HERC4: variants seen among roughly 807,000 people sequenced by gnomAD.
HERC4 encodes the protein HECT and RLD domain containing E3 ubiquitin protein ligase 4.
HERC4 carries 28 observed loss-of-function variants against 124.3 expected under a neutral mutation model. The observed-to-expected ratio is 0.23, with a 90% CI of 0.17 to 0.31. HERC4 has a LOEUF of 0.31. Ranked by LOEUF, HERC4 falls within the 10% of genes least tolerant of loss-of-function variation. HERC4 has a pLI of 1.00. For synonymous variants in HERC4, 407 were observed against 421.5 expected (o/e 0.97, Z 0.42); for missense variants, 713 against 1,229.3 (o/e 0.58, Z 6.28).
chr10:67,960,860 G>T, intron 16 of HERC4: 1 of 280,550 alleles, frequency 3.6e-6, no homozygotes, highest in South Asian at 3.8e-5. Flanking sequence ...TTCTAACAAG[G>T]ACAAGCATGG....
intron 9 of HERC4, among the ~76,000 whole-genome samples, chr10:68,008,951 T>C (rs569261824): frequency 6.6e-6 from 1 of 152,300 alleles, no homozygotes; most frequent in Non-Finnish European, 1.5e-5. Flanking sequence ...CTGGGCGCAG[T>C]GGTTCACTCC....
In HERC4 at chr10:68,006,385, T is replaced by TG. The variant is rs1408416366; in HGVS notation, c.1069+7640_1069+7641insC. Among the ~76,000 whole-genome samples, 7 of 151,576 alleles carry TG rather than the reference T, an allele frequency of 4.6e-5. No individual in the cohort carries two copies. In the East Asian group the frequency reaches 1.4e-3, roughly 29 times the overall value. On this transcript the variant is annotated intron_variant, in intron 9 of 24. Transcript: ENST00000373700. ...TTTGTTTTTGTTTTTGTTTTTTTTT[T>TG]TTTTTTGAGACAGTTTCCTCTTGCT...
At chr10:67,952,864 T>C (rs1038779312) in intron 19 of HERC4, among the ~76,000 whole-genome samples, 1 of 150,540 alleles carries the variant, frequency 6.6e-6, no homozygotes, top group Admixed American at 6.6e-5. Context: ...TGCGCCACTG[T>C]ACTCCAGCCT....
intron 15 of HERC4, among the ~76,000 whole-genome samples, chr10:67,973,254 C>A (rs1025635490): frequency 1.3e-5 from 2 of 152,062 alleles, no homozygotes; most frequent in African/African-American, 4.8e-5. Flanking sequence ...ACAGCACCAG[C>A]TAAAGAGACA....
At chr10:67,990,090 A>G in intron 14 of HERC4, 121 bp downstream of exon 14, 1 of 683,256 alleles carries the variant, frequency 1.5e-6, no homozygotes. Flanking sequence ...AAACAGGTTC[A>G]TTTTTGCCTA....
rs960753631 is a variant in HERC4 at position 68,022,710 on chromosome 10, T to TA, written c.908+2835dup. Among the ~76,000 whole-genome samples the TA allele has an allele frequency of 1.2e-4, 18 of 152,008 alleles. No homozygotes were observed. The South Asian group carries it at 3.1e-3, about 26-fold the overall frequency. Reference sequence around the variant, plus strand: ...AAACAAACTGGACTTTATACAATTTTAAAGCTTCATGCATCAAAAGACACT... The same window carrying TA: ...AAACAAACTGGACTTTATACAATTTTAAAAGCTTCATGCATCAAAAGACACT... On this transcript the variant is annotated intron_variant, in intron 8 of 24. Transcript: ENST00000373700.
At chr10:68,033,914 A>C in intron 6 of HERC4, 51 bp downstream of exon 6, 1 of 1,451,068 alleles carries the variant, frequency 6.9e-7, no homozygotes, top group Non-Finnish European at 9.6e-7. Context: ...CTAACTCAAA[A>C]GACCATCTCT....
At chr10:68,048,595 T>C (rs918521527) in intron 3 of HERC4, among the ~76,000 whole-genome samples, 4 of 152,200 alleles carry the variant, frequency 2.6e-5, no homozygotes, top group Admixed American at 2.0e-4. Context: ...CATGTCATTA[T>C]ACATCTGTTA....
At chr10:67,937,857 T>A (rs1418666885) in intron 21 of HERC4, among the ~76,000 whole-genome samples, 1 of 151,884 alleles carries the variant, frequency 6.6e-6, no homozygotes, top group African/African-American at 2.4e-5. Flanking sequence ...CATTTTTGTA[T>A]CTTTAGTAGA....
At chr10:67,955,723 A>G (rs921218700) in intron 17 of HERC4, 10 of 152,294 alleles carry the variant, frequency 6.6e-5, no homozygotes, top group African/African-American at 2.2e-4. Flanking sequence ...GTGAGCTGAG[A>G]CTGTACCACT....
chr10:68,036,150 T>TAA (rs918921739), intron 5 of HERC4, among the ~76,000 whole-genome samples: 11 of 148,742 alleles, frequency 7.4e-5, no homozygotes, highest in East Asian at 2.0e-4. Context: ...CCACCTCTAC[T>TAA]AAAAAAAAAC....
intron 23 of HERC4, among the ~76,000 whole-genome samples, chr10:67,927,428 ATATTTTTT>A (rs1435003735): frequency 5.1e-4 from 13 of 25,622 alleles, no homozygotes; most frequent in Admixed American, 1.2e-3. Context: ...ATATATATAT[ATATTTTTT>A]TTTTTTTTTA....
Position 67,988,709 on chromosome 10 carries a change from T to G in HERC4, c.1760A>C (p.Asn587Thr), listed in dbSNP as rs768095071. 6.3e-7 allele frequency: 1 copy of G among 1,597,584 alleles called. No individual in the cohort carries two copies. Among genetic ancestry groups the G allele is most frequent in the Admixed American group, 1.8e-5 (1 of 55,990 alleles). ...CTTTAATGCAGTATGAAGAAAACTG[T>G]TGAAAATTCTTCTTTCAGAAGGGGG... The part of the protein sequence containing the change: ...GIPPSERRIF[N>T]SFLHTALKVL... The change falls in exon 15 of 25, where the codon AAC becomes ACC. Residue 587 changes from asparagine (N) to threonine (T), a missense_variant. By Grantham distance (65) the Asn-to-Thr change is moderately conservative. Coordinates refer to ENST00000373700, the MANE Select transcript of HERC4 (RefSeq NM_015601.4).
chr10:67,937,409 CA>C (rs1430596783), intron 21 of HERC4, among the ~76,000 whole-genome samples: 2 of 152,014 alleles, frequency 1.3e-5, no homozygotes, highest in Non-Finnish European at 2.9e-5. Context: ...TTTGAATTAC[CA>C]TAGTTCTTTG....
At chr10:68,025,504 T>TGAA in intron 8 of HERC4, 42 bp downstream of exon 8, 1 of 1,573,978 alleles carries the variant, frequency 6.4e-7, no homozygotes, top group Non-Finnish European at 8.6e-7. Context: ...CCTAAACAAC[T>TGAA]GCAGTTTAGA....
rs375717350 is a variant in HERC4, at chr10:67,971,305, T to C, written c.1807-4503A>G. ...TTCATTTTATGAAGCCAGAATAAAC[T>C]TGATACCAAAAGCTAACAGCAATAT... On this transcript the variant is annotated intron_variant, in intron 15 of 24. Coordinates refer to ENST00000373700, the MANE Select transcript of HERC4 (RefSeq NM_015601.4). Among the ~76,000 whole-genome samples, 123 of 152,104 alleles carry C rather than the reference T, an allele frequency of 8.1e-4. 1 individual carries two copies. In the East Asian group the frequency reaches 0.016, roughly 20 times the overall value.
chr10:67,968,858 C>T (rs1026782970), intron 15 of HERC4, among the ~76,000 whole-genome samples: 2 of 152,054 alleles, frequency 1.3e-5, no homozygotes, highest in Non-Finnish European at 1.5e-5. Flanking sequence ...TTTAACACTG[C>T]TCTCATTAAC....
intron 22 of HERC4, among the ~76,000 whole-genome samples, chr10:67,934,523 G>A (rs1274600485): frequency 6.6e-6 from 1 of 151,994 alleles, no homozygotes; most frequent in East Asian, 1.9e-4. Context: ...TTTTAATCCT[G>A]TGTCTTCCTC....
chr10:68,063,827 T>G (rs1027281835), intron 3 of HERC4, among the ~76,000 whole-genome samples: 73 of 151,634 alleles, frequency 4.8e-4, no homozygotes, highest in African/African-American at 1.6e-3. Flanking sequence ...TAATCCCAGC[T>G]ACTCAGGAGG....
Sources: allele counts gnomAD v4.1 joint callset (sites outside exome capture counted in the v4.1 genomes callset), GRCh38; gene constraint gnomAD v4.1.1; transcripts MANE v1.5; gene names NCBI Gene and HGNC (gene_info 2026-07-23, HGNC 2026-07-21).